Variants in ITGA8 observed in about 807,000 individuals in gnomAD.
ITGA8 encodes the protein integrin subunit alpha 8.
A neutral mutation model predicts 142.3 loss-of-function variants in ITGA8; 91 were observed. That is an observed-to-expected ratio of 0.64 (90% confidence interval 0.54 to 0.76). The LOEUF is 0.76. ITGA8 is among the 30% of genes least tolerant of loss of function. The pLI, the probability that ITGA8 is intolerant of heterozygous loss-of-function variation, is 0.00. For missense variants in ITGA8, 1,406 were observed against 1,327.7 expected (o/e 1.06, Z -0.92); for synonymous variants, 505 against 485.2 (o/e 1.04, Z -0.54).
chr10:15,697,980 C>T (rs528453341), intron 2 of ITGA8, among the ~76,000 whole-genome samples: 98 of 152,170 alleles, frequency 6.4e-4, no homozygotes, highest in African/African-American at 2.1e-3. Flanking sequence ...TCTTCAGTGG[C>T]GATTTCTGAG....
chr10:15,531,579 T>C (rs567554915), intron 27 of ITGA8, among the ~76,000 whole-genome samples: 2 of 152,264 alleles, frequency 1.3e-5, no homozygotes, highest in East Asian at 1.9e-4. Flanking sequence ...AGAAACATAA[T>C]GGGTGACAAA....
intron 27 of ITGA8, among the ~76,000 whole-genome samples, chr10:15,545,678 T>A (rs1588635635): frequency 2.4e-5 from 1 of 41,646 alleles, no homozygotes; most frequent in East Asian, 4.1e-4. Context: ...ACTGCTTAGT[T>A]TGCCTGTTTT....
At chr10:15,719,242 A>T (rs9333259) in intron 1 of ITGA8, among the ~76,000 whole-genome samples, 1 of 151,942 alleles carries the variant, frequency 6.6e-6, no homozygotes, top group Admixed American at 6.5e-5. Context: ...GCATAAACAG[A>T]CCTCGCTGTG....
Position 15,719,650 on chromosome 10 carries a change from A to G in ITGA8, c.122T>C (p.Leu41Pro). ...LWSPACQAFN[L>P]DVEKLTVYSG... Reference sequence around the variant, plus strand: ...GTACACTGTGAGCTTTTCCACGTCCAGGTTGAACGCCTGACAGGCGGGGGA... The same window carrying G: ...GTACACTGTGAGCTTTTCCACGTCCGGGTTGAACGCCTGACAGGCGGGGGA... The change falls in exon 1 of 30, where the codon CTG becomes CCG. Residue 41 changes from leucine (L) to proline (P), a missense_variant. Coordinates refer to ENST00000378076, the MANE Select transcript of ITGA8 (RefSeq NM_003638.3). 6.6e-7 allele frequency: 1 copy of G among 1,526,330 alleles called. No individual in the cohort carries two copies. The highest frequency in any genetic ancestry group is 8.7e-7 in the Non-Finnish European group (1 of 1,146,648). The allele number at this position is 1,526,330 out of a possible 1,614,324, so 94.5% of individuals were successfully genotyped here.
chr10:15,647,758 G>A (rs1044075234), intron 11 of ITGA8, among the ~76,000 whole-genome samples: 2 of 152,064 alleles, frequency 1.3e-5, no homozygotes, highest in African/African-American at 4.8e-5. Flanking sequence ...CACCGCGCCC[G>A]GCCAATTATT....
chr10:15,592,313 T>A lies in ITGA8; in HGVS notation c.2212-9A>T. 6.2e-7 allele frequency: 1 copy of A among 1,601,002 alleles called. No individual in the cohort carries two copies. The highest frequency in any genetic ancestry group is 8.6e-7 in the Non-Finnish European group (1 of 1,169,078). On this transcript the variant is annotated splice_polypyrimidine_tract_variant and intron_variant, in intron 21 of 29. Coordinates refer to ENST00000378076, the MANE Select transcript of ITGA8 (RefSeq NM_003638.3). ...CGGAGGCCCAGGGAATACTAAAAAA[T>A]AAAATAAAATCACACAAGAGTAGCT...
chr10:15,535,738 C>T (rs1833417882), intron 27 of ITGA8, among the ~76,000 whole-genome samples: 1 of 152,086 alleles, frequency 6.6e-6, no homozygotes. Context: ...TGGGTGGGGC[C>T]AGATAAGAGA....
In ITGA8 at chr10:15,538,527, A is replaced by AAC. The variant is rs1554770286; in HGVS notation, c.2881-7377_2881-7376insGT. ...ACTCCGTCTCGAAAAAAAAAAAAAAAAAAACTATAGTTAAGAAAATTGGCG... is the reference window on the plus strand; with the variant it reads ...ACTCCGTCTCGAAAAAAAAAAAAAAAACAAAACTATAGTTAAGAAAATTGGCG... On this transcript the variant is annotated intron_variant, in intron 27 of 29. Coordinates refer to ENST00000378076, the MANE Select transcript of ITGA8 (RefSeq NM_003638.3). Among the ~76,000 whole-genome samples the AAC allele has an allele frequency of 7.4e-5, 11 of 149,484 alleles. 1 individual carries two copies. Among genetic ancestry groups the AAC allele is most frequent in the African/African-American group, 2.5e-4 (10 of 39,412 alleles).
At chr10:15,549,602 T>C (rs1833756255) in intron 26 of ITGA8, among the ~76,000 whole-genome samples, 1 of 152,238 alleles carries the variant, frequency 6.6e-6, no homozygotes, top group Non-Finnish European at 1.5e-5. Flanking sequence ...ATGATACTTC[T>C]CTAATTGTAC....
chr10:15,684,434 A>G (rs1433148970), intron 3 of ITGA8, among the ~76,000 whole-genome samples: 1 of 152,002 alleles, frequency 6.6e-6, no homozygotes, highest in African/African-American at 2.4e-5. Flanking sequence ...AGGCATGATC[A>G]CAGCTCACTG....
chr10:15,689,972 A>T (rs1834902815), intron 2 of ITGA8, among the ~76,000 whole-genome samples: 1 of 151,964 alleles, frequency 6.6e-6, no homozygotes, highest in African/African-American at 2.4e-5. Context: ...CACTTAAGGG[A>T]GCTTTGGTCC....
In ITGA8 at chr10:15,548,577, A is replaced by G. The variant is rs375071064; in HGVS notation, c.2767-9T>C. 4 of 1,564,184 alleles carry G rather than the reference A, an allele frequency of 2.6e-6. No homozygotes were observed. The highest frequency in any genetic ancestry group is 2.6e-6 in the Non-Finnish European group (3 of 1,137,180). On this transcript the variant is annotated splice_polypyrimidine_tract_variant and intron_variant, in intron 26 of 29. Transcript: ENST00000378076. ...TCGATATTTGTACAATTCTGCAAACAGCAGTGGGAACACGTCAGAGTCTTT... is the reference window on the plus strand; with the variant it reads ...TCGATATTTGTACAATTCTGCAAACGGCAGTGGGAACACGTCAGAGTCTTT...
At chr10:15,641,223 G>C (rs1274021282) in intron 13 of ITGA8, among the ~76,000 whole-genome samples, 1 of 152,056 alleles carries the variant, frequency 6.6e-6, no homozygotes, top group Non-Finnish European at 1.5e-5. Flanking sequence ...CTGGCTGAGG[G>C]GTCTTGAATC....
intron 29 of ITGA8, among the ~76,000 whole-genome samples, chr10:15,518,602 A>T: frequency 6.6e-6 from 1 of 152,242 alleles, no homozygotes; most frequent in Non-Finnish European, 1.5e-5. Flanking sequence ...ACTCTTATGT[A>T]ACTGGGACGT....
rs1833152029 is a variant in ITGA8 at position 15,604,198 on chromosome 10, C to T, written c.2118+10G>A. 1.3e-6 allele frequency: 2 copies of T among 1,599,214 alleles called. No homozygotes were observed. Among genetic ancestry groups the T allele is most frequent in the South Asian group, 2.3e-5 (2 of 87,530 alleles). On this transcript the variant is annotated intron_variant, in intron 20 of 29. Transcript: ENST00000378076. ...CTAGCTCTTGACTTCAAACAATTTGCAGGCATTACCTTGTTGTTGCGTTCG... is the reference window on the plus strand; with the variant it reads ...CTAGCTCTTGACTTCAAACAATTTGTAGGCATTACCTTGTTGTTGCGTTCG...
chr10:15,715,215 C>T (rs780649435), intron 2 of ITGA8, among the ~76,000 whole-genome samples: 2 of 151,976 alleles, frequency 1.3e-5, no homozygotes, highest in Admixed American at 6.6e-5. Flanking sequence ...GGGGCATATG[C>T]GACCCATCAT....
chr10:15,616,427 C>A, intron 14 of ITGA8, 87 bp downstream of exon 14: 1 of 985,286 alleles, frequency 1.0e-6, no homozygotes, highest in South Asian at 1.3e-5. Flanking sequence ...CAGAATAAAT[C>A]GTTGGAATGC....
intron 27 of ITGA8, among the ~76,000 whole-genome samples, chr10:15,539,393 T>C (rs754698840): frequency 1.3e-5 from 2 of 152,116 alleles, no homozygotes; most frequent in African/African-American, 4.8e-5. Context: ...CCAGGTTAAG[T>C]CTAGATAAAT....
chr10:15,532,115 G>C (rs1005417707), intron 27 of ITGA8, among the ~76,000 whole-genome samples: 2 of 151,908 alleles, frequency 1.3e-5, no homozygotes, highest in Admixed American at 1.3e-4. Context: ...GATGCTAATA[G>C]CACCCTCCCT....
Sources: allele counts gnomAD v4.1 joint callset (sites outside exome capture counted in the v4.1 genomes callset), GRCh38; gene constraint gnomAD v4.1.1; transcripts MANE v1.5; gene names NCBI Gene and HGNC (gene_info 2026-07-23, HGNC 2026-07-21).